The following HACD4 variants were observed in gnomAD, a reference collection of about 807,000 sequenced individuals.
HACD4 encodes the protein very-long-chain (3R)-3-hydroxyacyl-CoA dehydratase 4.
In HACD4, 35 loss-of-function variants were observed where a neutral mutation model predicts 33.3. The ratio of observed to expected loss-of-function variants is 1.05; its 90% confidence interval spans 0.80 to 1.39. The LOEUF (loss-of-function observed/expected upper bound fraction) is 1.39. HACD4 is among the 40% of genes most tolerant of loss of function. The pLI is 0.00. For synonymous variants in HACD4, 118 were observed against 98.0 expected, an observed-to-expected ratio of 1.20 and a Z score of -1.21; for missense variants, 323 against 276.5, an observed-to-expected ratio of 1.17 and a Z score of -1.19.
At position 21,014,779 on chromosome 9, in the gene HACD4, T is replaced by C. The variant is rs555333940; in HGVS notation, c.383+1119A>G. On this transcript the variant is annotated intron_variant, in intron 4 of 6. Coordinates refer to ENST00000495827, the MANE Select transcript of HACD4 (RefSeq NM_001010915.5). Reference sequence around the variant, plus strand: ...GATTTGCCCAACATCACTTAGCAAGTAAGTAGTGGAGGTGGGTTTCATCTA... The same window carrying C: ...GATTTGCCCAACATCACTTAGCAAGCAAGTAGTGGAGGTGGGTTTCATCTA... Among the ~76,000 whole-genome samples, 3 of 152,318 alleles carry C rather than the reference T, an allele frequency of 2.0e-5. No homozygotes were observed. In the South Asian group the frequency reaches 6.2e-4, roughly 32 times the overall value.
At chr9:21,015,742 G>T in intron 4 of HACD4, 156 bp downstream of exon 4, 1 of 516,634 alleles carries the variant, frequency 1.9e-6, no homozygotes, top group Middle Eastern at 4.4e-4. Flanking sequence ...CCATTATGGA[G>T]AACACTAAAA....
At chr9:21,022,342 A>G (rs939239415) in intron 3 of HACD4, among the ~76,000 whole-genome samples, 3 of 152,220 alleles carry the variant, frequency 2.0e-5, no homozygotes, top group Non-Finnish European at 4.4e-5. Flanking sequence ...TAAAACACCA[A>G]AAGCAATGGC....
chr9:21,011,474 C>CT, intron 5 of HACD4, 115 bp downstream of exon 5: 1 of 696,878 alleles, frequency 1.4e-6, no homozygotes, highest in Non-Finnish European at 2.6e-6. Flanking sequence ...TAAGGATACA[C>CT]TGAGTGAGCT....
At chr9:21,023,227 G>A (rs1402035518) in intron 3 of HACD4, among the ~76,000 whole-genome samples, 1 of 132,480 alleles carries the variant, frequency 7.5e-6, no homozygotes, top group African/African-American at 2.8e-5. Context: ...GTGGGGTGGG[G>A]GGAGGGGGGA....
chr9:21,024,568 A>T (rs1818015514), intron 3 of HACD4, among the ~76,000 whole-genome samples: 1 of 152,242 alleles, frequency 6.6e-6, no homozygotes. Flanking sequence ...TCCTCCAAGA[A>T]ATCAGATTTC....
intron 6 of HACD4, among the ~76,000 whole-genome samples, 177 bp downstream of exon 6, chr9:21,007,844 A>G (rs1276214565): frequency 1.3e-5 from 2 of 152,192 alleles, no homozygotes; most frequent in Non-Finnish European, 2.9e-5. Context: ...TGATCCCATG[A>G]TGCCCTGCAA....
At position 21,000,721 on chromosome 9, in the gene HACD4, T is replaced by C. The variant is rs902815815; in HGVS notation, c.*6316A>G. 6.6e-6 allele frequency: 1 copy of C among 152,174 alleles called. No homozygotes were observed. Among genetic ancestry groups the C allele is most frequent in the Middle Eastern group, 3.2e-3 (1 of 316 alleles). 9.4% of individuals were successfully genotyped at this position (152,174 alleles called of 1,614,324 possible). A position where few individuals can be genotyped will look rare whatever the true frequency, so the allele number is the denominator to read the frequency against. On this transcript the variant is annotated 3_prime_UTR_variant, in exon 7 of 7. Coordinates refer to ENST00000495827, the MANE Select transcript of HACD4 (RefSeq NM_001010915.5). ...AAAGCAGTAATAAACAAGTGGAAGA[T>C]AGATACTGGGTAAAGGAAGATAATT...
intron 4 of HACD4, among the ~76,000 whole-genome samples, chr9:21,012,396 C>T (rs1427196010): frequency 2.0e-5 from 3 of 152,172 alleles, no homozygotes; most frequent in Admixed American, 1.3e-4. Context: ...CCAGGTGATG[C>T]TGATGCCACT....
intron 3 of HACD4, among the ~76,000 whole-genome samples, chr9:21,021,092 G>T (rs550743279): frequency 6.6e-6 from 1 of 152,040 alleles, no homozygotes; most frequent in African/African-American, 2.4e-5. Flanking sequence ...ATCAATAAAC[G>T]TAATCCATCA....
At chr9:21,012,639 C>A (rs942391933) in intron 4 of HACD4, among the ~76,000 whole-genome samples, 1 of 152,108 alleles carries the variant, frequency 6.6e-6, no homozygotes, top group Admixed American at 6.6e-5. Flanking sequence ...GAATATATAC[C>A]AGCAGTGGAG....
chr9:21,014,452 C>T (rs771519441), intron 4 of HACD4, among the ~76,000 whole-genome samples: 5 of 152,134 alleles, frequency 3.3e-5, no homozygotes, highest in African/African-American at 7.2e-5. Context: ...AAGTAAAAGA[C>T]GCCTGTCACA....
At chr9:21,007,860 ATT>A (rs992488701) in intron 6 of HACD4, among the ~76,000 whole-genome samples, 159 bp downstream of exon 6, 1 of 152,178 alleles carries the variant, frequency 6.6e-6, no homozygotes, top group African/African-American at 2.4e-5. Context: ...TGCAAAAAGC[ATT>A]ATAACCTCCA....
intron 3 of HACD4, among the ~76,000 whole-genome samples, chr9:21,023,457 T>C (rs1201868629): frequency 6.6e-6 from 1 of 152,182 alleles, no homozygotes; most frequent in South Asian, 2.1e-4. Flanking sequence ...CTACTTGATA[T>C]GTGTAATGCC....
chr9:21,012,704 G>A (rs1004596476), intron 4 of HACD4, among the ~76,000 whole-genome samples: 2 of 152,152 alleles, frequency 1.3e-5, no homozygotes, highest in Non-Finnish European at 2.9e-5. Flanking sequence ...CAATCAAAGT[G>A]AAAAATGGTA....
chr9:21,015,355 T>A (rs1842531166), intron 4 of HACD4: 1 of 152,294 alleles, frequency 6.6e-6, no homozygotes, highest in South Asian at 2.1e-4. Context: ...AGGGGACTGT[T>A]TGACACCACC....
chr9:21,030,902 T>G (rs1265787693), intron 1 of HACD4, among the ~76,000 whole-genome samples: 1 of 152,044 alleles, frequency 6.6e-6, no homozygotes, highest in East Asian at 1.9e-4. Flanking sequence ...TTCAGAAGAG[T>G]GACGGGAGTG....
chr9:21,007,924 T>C (rs1842309020), intron 6 of HACD4, 97 bp downstream of exon 6: 3 of 1,098,892 alleles, frequency 2.7e-6, no homozygotes, highest in Non-Finnish European at 3.7e-6. Flanking sequence ...CTCTTTGGTC[T>C]CTCCCATGTT....
intron 3 of HACD4, among the ~76,000 whole-genome samples, chr9:21,020,808 A>T (rs907678436): frequency 1.3e-5 from 2 of 152,186 alleles, no homozygotes; most frequent in African/African-American, 4.8e-5. Flanking sequence ...TAGCTACGCT[A>T]TGGTTTTGCC....
Position 21,000,437 on chromosome 9 carries a change from G to A in HACD4, c.*6600C>T, listed in dbSNP as rs192971107. 1 of 152,248 alleles carries A rather than the reference G, an allele frequency of 6.6e-6. No homozygotes were observed. The allele number at this position is 152,248 out of a possible 1,614,324, so 9.4% of individuals were successfully genotyped here. A position where few individuals can be genotyped will look rare whatever the true frequency, so the allele number is the denominator to read the frequency against. On this transcript the variant is annotated 3_prime_UTR_variant, in exon 7 of 7. Coordinates refer to ENST00000495827, the MANE Select transcript of HACD4 (RefSeq NM_001010915.5). ...AAAGCAGTGGTTCTCAAACTTTTCT[G>A]TGCATGAGGCTCATTTGAGGAGTCT...
Sources: gnomAD v4.1 joint callset for allele counts (sites outside exome capture counted in the v4.1 genomes callset) on GRCh38, gnomAD v4.1.1 for gene constraint, MANE v1.5 for transcripts, NCBI Gene and HGNC (gene_info 2026-07-23, HGNC 2026-07-21) for gene names.